The following ZPBP variants were observed in gnomAD, a reference collection of about 807,000 sequenced individuals.
ZPBP encodes the protein zona pellucida binding protein, also known as zona pellucida-binding protein 1.
Under a neutral mutation model 44.8 loss-of-function variants are expected in ZPBP, and 26 were observed. That is an observed-to-expected ratio of 0.58 (90% CI 0.43 to 0.81). ZPBP has a LOEUF of 0.81. Among genes scored for constraint, ZPBP ranks in the 30% least tolerant of loss-of-function variants. The pLI, the probability that ZPBP is intolerant of heterozygous loss-of-function variation, is 0.00. For synonymous variants in ZPBP, 174 were observed against 153.2 expected (o/e 1.14, Z -1.00); for missense variants, 409 against 434.0 (o/e 0.94, Z 0.51).
chr7:49,908,636 T>C (rs1793235090), intron 1 of ZPBP, among the ~76,000 whole-genome samples: 1 of 152,196 alleles, frequency 6.6e-6, no homozygotes, highest in Non-Finnish European at 1.5e-5. Context: ...GTCAGTATAC[T>C]ACACGTGATA....
chr7:50,034,885 A>T (rs117934200), intron 4 of ZPBP, among the ~76,000 whole-genome samples: 1 of 152,372 alleles, frequency 6.6e-6, no homozygotes, highest in Non-Finnish European at 1.5e-5. Flanking sequence ...CTAAAGCTGT[A>T]AAAGGGGGAC....
At chr7:50,011,828 G>T (rs1445262170) in intron 6 of ZPBP, among the ~76,000 whole-genome samples, 1 of 152,012 alleles carries the variant, frequency 6.6e-6, no homozygotes, top group Non-Finnish European at 1.5e-5. Flanking sequence ...AAGGCGGGCG[G>T]ATCACAAGGT....
intron 4 of ZPBP, among the ~76,000 whole-genome samples, chr7:50,036,278 C>G (rs191044908): frequency 6.6e-6 from 1 of 152,106 alleles, no homozygotes; most frequent in African/African-American, 2.4e-5. Context: ...CTAAGCCTCC[C>G]GAGTAGCTGG....
At chr7:49,936,826 A>T (rs1033501644), downstream of ZPBP, among the ~76,000 whole-genome samples, 73 of 152,154 alleles carry the variant, frequency 4.8e-4, no homozygotes, top group African/African-American at 1.7e-3. Flanking sequence ...ATGATTGTTG[A>T]TTATTTTTTC....
At chr7:49,853,648 C>A (rs543797693) in intron 2 of ZPBP, among the ~76,000 whole-genome samples, 1 of 151,382 alleles carries the variant, frequency 6.6e-6, no homozygotes, top group Non-Finnish European at 1.5e-5. Context: ...TGTTTATGAA[C>A]GTTTGTTTTT....
In ZPBP at chr7:50,090,537, GTATATATGTGTGCATATATATGCA is replaced by G. The variant is rs1224056445; in HGVS notation, c.128-852_128-829del. 4.0e-5 allele frequency among the ~76,000 whole-genome samples: 6 copies of G among 151,116 alleles called. No individual in the cohort carries two copies. In the East Asian group the frequency reaches 7.8e-4, roughly 20 times the overall value. The stretch of plus-strand genomic sequence containing the variant: ...TGTATATATGTGTATATATATGTGT[GTATATATGTGTGCATATATATGCA>G]TATATATGTGTATATATTTGTGTAT... On this transcript the variant is annotated intron_variant, in intron 1 of 7. Coordinates refer to ENST00000046087, the MANE Select transcript of ZPBP (RefSeq NM_007009.3).
chr7:49,863,957 TTTTC>T (rs1790776440), intron 2 of ZPBP, among the ~76,000 whole-genome samples: 1 of 152,186 alleles, frequency 6.6e-6, no homozygotes, highest in Admixed American at 6.5e-5. Flanking sequence ...TTAAAATATT[TTTTC>T]TTTATTTTGT....
At chr7:50,071,448 C>T (rs1801829091) in intron 3 of ZPBP, among the ~76,000 whole-genome samples, 2 of 152,278 alleles carry the variant, frequency 1.3e-5, no homozygotes, top group East Asian at 1.9e-4. Context: ...CATAGGGCTA[C>T]AAAACATAGG....
chr7:49,960,523 T>C lies in ZPBP; in HGVS notation c.961+22819A>G, dbSNP rs140243166. 3.0e-4 allele frequency among the ~76,000 whole-genome samples: 45 copies of C among 151,780 alleles called. No individual in the cohort carries two copies. The East Asian group carries it at 8.7e-3, about 29-fold the overall frequency. On this transcript the variant is annotated intron_variant, in intron 7 of 7. Coordinates refer to ENST00000046087, the MANE Select transcript of ZPBP (RefSeq NM_007009.3). ...TACATAAACTATAGAATAGAATAAA[T>C]AAAATATATTTATGCAACTTTTTAA...
chr7:49,974,959 G>C (rs1458543702), intron 7 of ZPBP, among the ~76,000 whole-genome samples: 1 of 152,068 alleles, frequency 6.6e-6, no homozygotes, highest in African/African-American at 2.4e-5. Context: ...TGGCTCCACA[G>C]CCTAGTGAGC....
At chr7:49,894,160 TTTTC>T (rs55679567) in intron 2 of ZPBP, among the ~76,000 whole-genome samples, 4 of 149,920 alleles carry the variant, frequency 2.7e-5, no homozygotes, top group Non-Finnish European at 4.5e-5. Flanking sequence ...AGGCTTTTTC[TTTTC>T]TTTCTTTCTT....
chr7:49,877,822 A>G (rs949178354), intron 2 of ZPBP, among the ~76,000 whole-genome samples: 2 of 151,884 alleles, frequency 1.3e-5, no homozygotes, highest in African/African-American at 4.8e-5. Context: ...GTAGTCTCCA[A>G]GGCTACTGCT....
At chr7:49,936,367 G>C (rs1320821510), downstream of ZPBP, among the ~76,000 whole-genome samples, 5 of 152,162 alleles carry the variant, frequency 3.3e-5, no homozygotes, top group African/African-American at 1.2e-4. Flanking sequence ...TCTTCCCTTT[G>C]TGTCTGTGTG....
At chr7:50,091,335 T>G (rs1802983280) in intron 1 of ZPBP, among the ~76,000 whole-genome samples, 2 of 152,256 alleles carry the variant, frequency 1.3e-5, no homozygotes, top group African/African-American at 4.8e-5. Context: ...TTTAGTTTAA[T>G]TAAGTCCGAC....
intron 7 of ZPBP, among the ~76,000 whole-genome samples, chr7:49,962,671 A>C (rs1369071623): frequency 6.6e-6 from 1 of 151,936 alleles, no homozygotes; most frequent in Non-Finnish European, 1.5e-5. Flanking sequence ...ATAGATCTTA[A>C]GAAAAAAGTA....
At chr7:49,844,048 G>T in the ZPBP span, among the ~76,000 whole-genome samples, 1 of 152,214 alleles carries the variant, frequency 6.6e-6, no homozygotes, top group Admixed American at 6.5e-5. Context: ...ATTCATGAAG[G>T]TTGGCAGCAC....
intron 3 of ZPBP, 25 bp from the exon 4 acceptor site, chr7:50,058,166 A>C (rs754828946): frequency 2.0e-5 from 32 of 1,612,634 alleles, no homozygotes; most frequent in Non-Finnish European, 2.6e-5. Context: ...TACAGTTACG[A>C]GTTGCTTAAA....
chr7:50,062,725 T>C (rs893828815), intron 3 of ZPBP, among the ~76,000 whole-genome samples: 1 of 152,148 alleles, frequency 6.6e-6, no homozygotes, highest in Non-Finnish European at 1.5e-5. Flanking sequence ...GATGGCTGAA[T>C]AGAAGGCTCT....
chr7:50,069,954 C>T (rs2128841017), intron 3 of ZPBP, among the ~76,000 whole-genome samples: 1 of 152,282 alleles, frequency 6.6e-6, no homozygotes, highest in East Asian at 1.9e-4. Flanking sequence ...TCACTCCCTG[C>T]ATTGGCCTCT....
Sources: allele counts gnomAD v4.1 joint callset (sites outside exome capture counted in the v4.1 genomes callset), GRCh38; gene constraint gnomAD v4.1.1; transcripts MANE v1.5; gene names NCBI Gene and HGNC (gene_info 2026-07-23, HGNC 2026-07-21).